PCDHA2: variants seen among roughly 807,000 people sequenced by gnomAD.
The protein encoded by PCDHA2 is protocadherin alpha 2, also known as protocadherin alpha-2.
A neutral mutation model predicts 66.0 loss-of-function variants in PCDHA2; 58 were observed. That is an observed-to-expected ratio of 0.88 (90% confidence interval 0.71 to 1.09). PCDHA2 has a LOEUF of 1.09. Among genes scored for constraint, PCDHA2 ranks in the 50% least tolerant of loss-of-function variants. The probability of loss-of-function intolerance (pLI) is 0.00; values close to 1 mark genes in which losing one functional copy is unlikely to be tolerated. For synonymous variants in PCDHA2, 634 were observed against 554.0 expected (o/e 1.14, Z -2.03); for missense variants, 1,267 against 1,242.3 (o/e 1.02, Z -0.30).
chr5:140,801,597 C>T lies in PCDHA2; in HGVS notation c.2388+4245C>T, dbSNP rs1431439199. On this transcript the variant is annotated intron_variant, in intron 1 of 3. Coordinates refer to ENST00000526136, the MANE Select transcript of PCDHA2 (RefSeq NM_018905.3). The stretch of plus-strand genomic sequence containing the variant: ...CATTAATGACAACGCGCCAGTTTTT[C>T]CAATGGCTGTAAAGAATCTGTTTAT... 3.5e-5 allele frequency: 56 copies of T among 1,614,060 alleles called. No individual in the cohort carries two copies. In the Admixed American group the frequency reaches 6.7e-4, roughly 19 times the overall value.
intron 1 of PCDHA2, chr5:140,968,986 A>C (rs143656335): frequency 6.8e-6 from 11 of 1,614,206 alleles, no homozygotes; most frequent in East Asian, 6.7e-5. Context: ...ATGGCACTGC[A>C]TGCTGTGGAG....
At chr5:140,929,205 G>T in intron 1 of PCDHA2, 1 of 1,614,120 alleles carries the variant, frequency 6.2e-7, no homozygotes, top group Non-Finnish European at 8.5e-7. Flanking sequence ...GTTTGCTGTT[G>T]CGTGGGGAGT....
At chr5:140,976,523 C>T in intron 1 of PCDHA2, among the ~76,000 whole-genome samples, 1 of 151,724 alleles carries the variant, frequency 6.6e-6, no homozygotes. Flanking sequence ...TGCACACCAG[C>T]CTAAATGACA....
chr5:140,875,586 G>T, intron 1 of PCDHA2: 1 of 1,614,024 alleles, frequency 6.2e-7, no homozygotes, highest in South Asian at 1.1e-5. Flanking sequence ...TCTACGAGGA[G>T]GCCAAACACG....
At chr5:140,807,672 TC>T (rs781861569) in intron 1 of PCDHA2, 7 of 1,614,086 alleles carry the variant, frequency 4.3e-6, no homozygotes, top group Non-Finnish European at 5.9e-6. Context: ...GATGCAGATA[TC>T]GGGGAGAACG....
chr5:140,907,883 G>GTGAA (rs2073669227), intron 1 of PCDHA2, among the ~76,000 whole-genome samples: 1 of 152,110 alleles, frequency 6.6e-6, no homozygotes, highest in Non-Finnish European at 1.5e-5. Flanking sequence ...CACTCACATG[G>GTGAA]GATACAAATA....
chr5:140,875,564 T>C (rs1327477761), intron 1 of PCDHA2: 1 of 1,614,048 alleles, frequency 6.2e-7, no homozygotes, highest in African/African-American at 1.3e-5. Flanking sequence ...AGCGGCCAGC[T>C]CCACTACTCC....
chr5:140,827,082 CTA>C (rs1169627536), intron 1 of PCDHA2, among the ~76,000 whole-genome samples: 2 of 152,100 alleles, frequency 1.3e-5, no homozygotes, highest in African/African-American at 2.4e-5. Context: ...ATTTAACAAA[CTA>C]TTTTCTAGGA....
chr5:140,988,156 C>A (rs546335543), intron 3 of PCDHA2, among the ~76,000 whole-genome samples: 1 of 152,054 alleles, frequency 6.6e-6, no homozygotes, highest in Non-Finnish European at 1.5e-5. Flanking sequence ...CAACTTCTGC[C>A]GTTGTCATAG....
chr5:140,923,832 T>C (rs1584323997), intron 1 of PCDHA2, among the ~76,000 whole-genome samples: 1 of 152,306 alleles, frequency 6.6e-6, no homozygotes, highest in East Asian at 1.9e-4. Context: ...TCAGTGGCAG[T>C]TTAAATAGAG....
intron 1 of PCDHA2, among the ~76,000 whole-genome samples, chr5:140,960,717 TATTTTAGTCCATG>T (rs1244851083): frequency 3.3e-4 from 10 of 30,264 alleles, no homozygotes; most frequent in African/African-American, 2.5e-3. Flanking sequence ...ATACTCATCT[TATTTTAGTCCATG>T]ATTTTAGTCC....
intron 1 of PCDHA2, among the ~76,000 whole-genome samples, chr5:140,953,965 G>A (rs1554221174): frequency 6.6e-6 from 1 of 152,024 alleles, no homozygotes; most frequent in Non-Finnish European, 1.5e-5. Flanking sequence ...GCCCCAGTGT[G>A]TGTTGTTCCC....
chr5:140,853,619 G>A lies in PCDHA2; in HGVS notation c.2388+56267G>A. 2 of 988,316 alleles carry A rather than the reference G, an allele frequency of 2.0e-6. 1 individual carries two copies. Among genetic ancestry groups the A allele is most frequent in the Non-Finnish European group, 2.4e-6 (2 of 820,378 alleles). 61.2% of individuals were successfully genotyped at this position (988,316 alleles called of 1,614,324 possible). ...AGAGCAAAGGGGGTGCTGTAAATAA[G>A]TATACAAGATCACAGACCTAAATTG... On this transcript the variant is annotated intron_variant, in intron 1 of 3. Transcript: ENST00000526136.
chr5:140,817,314 A>T (rs1766111486), intron 1 of PCDHA2: 1 of 152,198 alleles, frequency 6.6e-6, no homozygotes, highest in Admixed American at 6.5e-5. Context: ...GCCCCAGAAA[A>T]GTGCCCAGCT....
chr5:140,839,326 C>T (rs1338005685), intron 1 of PCDHA2, among the ~76,000 whole-genome samples: 1 of 151,830 alleles, frequency 6.6e-6, no homozygotes, highest in Non-Finnish European at 1.5e-5. Context: ...TTGGGAAATA[C>T]CTGAAGTTGA....
At chr5:140,827,100 C>A (rs1769178412) in intron 1 of PCDHA2, among the ~76,000 whole-genome samples, 2 of 152,036 alleles carry the variant, frequency 1.3e-5, no homozygotes, top group Non-Finnish European at 2.9e-5. Context: ...TAGGAGTCAG[C>A]ATGTATAGGT....
intron 1 of PCDHA2, chr5:140,877,258 G>T (rs1206242754): frequency 1.9e-6 from 3 of 1,613,662 alleles, no homozygotes; most frequent in Non-Finnish European, 2.5e-6. Context: ...GAAAGTGCGC[G>T]CGGTGGACGC....
At chr5:140,899,403 G>A (rs1458189120) in intron 1 of PCDHA2, among the ~76,000 whole-genome samples, 6 of 152,230 alleles carry the variant, frequency 3.9e-5, no homozygotes, top group Admixed American at 1.3e-4. Context: ...AGCATGAAGG[G>A]TTGTTGAATT....
At chr5:140,886,545 C>T (rs894582397) in intron 1 of PCDHA2, among the ~76,000 whole-genome samples, 5 of 151,964 alleles carry the variant, frequency 3.3e-5, no homozygotes, top group Non-Finnish European at 7.4e-5. Flanking sequence ...AAGGTCTTCC[C>T]AGCTGGGCAC....
Sources: gnomAD v4.1 joint callset for allele counts (sites outside exome capture counted in the v4.1 genomes callset) on GRCh38, gnomAD v4.1.1 for gene constraint, MANE v1.5 for transcripts, NCBI Gene and HGNC (gene_info 2026-07-23, HGNC 2026-07-21) for gene names.